SGK3: variants seen among roughly 807,000 people sequenced by gnomAD.
SGK3 encodes the protein serine/threonine-protein kinase Sgk3.
SGK3 carries 47 observed loss-of-function variants against 68.5 expected under a neutral mutation model. That is an observed-to-expected ratio of 0.69 (90% CI 0.54 to 0.87). The LOEUF (loss-of-function observed/expected upper bound fraction) is 0.87, where lower values mean the gene tolerates loss of function less well. SGK3 is among the 40% of genes least tolerant of loss of function. The pLI is 0.00. For synonymous variants in SGK3, 181 were observed against 189.1 expected, an observed-to-expected ratio of 0.96 and a Z score of 0.35; for missense variants, 479 against 575.5, an observed-to-expected ratio of 0.83 and a Z score of 1.72.
chr8:66,724,645 C>G (rs549053151), intron 1 of SGK3, among the ~76,000 whole-genome samples: 2 of 151,944 alleles, frequency 1.3e-5, no homozygotes, highest in Admixed American at 6.6e-5. Flanking sequence ...AGTCTTTGTC[C>G]CACTGAAATT....
At chr8:66,758,785 G>C (rs554643190) in intron 1 of SGK3, among the ~76,000 whole-genome samples, 1 of 152,146 alleles carries the variant, frequency 6.6e-6, no homozygotes, top group Non-Finnish European at 1.5e-5. Flanking sequence ...CAAGTAGCTG[G>C]AACTACCAGC....
At chr8:66,822,292 T>C in intron 5 of SGK3, 80 bp from the exon 6 acceptor site, 1 of 1,309,900 alleles carries the variant, frequency 7.6e-7, no homozygotes, top group Non-Finnish European at 1.1e-6. Flanking sequence ...TAGTTATTTC[T>C]ATTTTGATTT....
chr8:66,736,469 A>T (rs940648629), intron 1 of SGK3, among the ~76,000 whole-genome samples: 5 of 151,888 alleles, frequency 3.3e-5, no homozygotes, highest in Non-Finnish European at 7.4e-5. Context: ...ATATATATAT[A>T]TTTTTTGAGA....
At chr8:66,857,795 G>GTA (rs1810578888) in intron 16 of SGK3, among the ~76,000 whole-genome samples, 1 of 112,872 alleles carries the variant, frequency 8.9e-6, no homozygotes, top group East Asian at 2.4e-4. Flanking sequence ...AAAAGTGTGT[G>GTA]TGTATGTGTG....
chr8:66,715,021 G>T (rs1367564787), intron 1 of SGK3, among the ~76,000 whole-genome samples: 1 of 152,214 alleles, frequency 6.6e-6, no homozygotes, highest in African/African-American at 2.4e-5. Flanking sequence ...ATGCCTGAGA[G>T]ATTTCCAGGC....
intron 1 of SGK3, among the ~76,000 whole-genome samples, chr8:66,743,831 G>A (rs549999281): frequency 1.3e-5 from 2 of 152,278 alleles, no homozygotes; most frequent in South Asian, 4.1e-4. Flanking sequence ...TTTTGTACTT[G>A]TCTCTAATTC....
At chr8:66,858,335 G>A (rs184257840) in intron 16 of SGK3, among the ~76,000 whole-genome samples, 1,576 of 151,988 alleles carry the variant, frequency 0.01, 13 homozygotes, top group Middle Eastern at 0.027. Flanking sequence ...GCATGGTGGT[G>A]GGCGCCTGTA....
At chr8:66,725,536 G>A (rs1434828976) in intron 1 of SGK3, among the ~76,000 whole-genome samples, 2 of 151,644 alleles carry the variant, frequency 1.3e-5, no homozygotes, top group African/African-American at 4.9e-5. Context: ...TTAAAATAAT[G>A]TTTAAAATCA....
intron 1 of SGK3, among the ~76,000 whole-genome samples, chr8:66,789,588 A>T (rs1180871944): frequency 6.6e-6 from 1 of 152,206 alleles, no homozygotes; most frequent in Non-Finnish European, 1.5e-5. Context: ...TTACCTCTGG[A>T]AGTCCCACTT....
intron 1 of SGK3, among the ~76,000 whole-genome samples, chr8:66,723,484 C>T (rs927325545): frequency 2.6e-5 from 4 of 151,982 alleles, no homozygotes; most frequent in African/African-American, 9.7e-5. Flanking sequence ...TCCTCTGTCA[C>T]GTAAGCTGGA....
At chr8:66,774,118 G>A (rs1382019116) in intron 1 of SGK3, among the ~76,000 whole-genome samples, 1 of 152,128 alleles carries the variant, frequency 6.6e-6, no homozygotes, top group Non-Finnish European at 1.5e-5. Context: ...GTATGAGAGG[G>A]CATTTAGAGC....
At chr8:66,729,604 G>A (rs890709461) in intron 1 of SGK3, among the ~76,000 whole-genome samples, 1 of 152,044 alleles carries the variant, frequency 6.6e-6, no homozygotes, top group Non-Finnish European at 1.5e-5. Flanking sequence ...GTATTTATAT[G>A]AACATATATG....
chr8:66,809,512 A>G (rs2130628968), intron 4 of SGK3, among the ~76,000 whole-genome samples: 1 of 152,310 alleles, frequency 6.6e-6, no homozygotes, highest in East Asian at 1.9e-4. Context: ...GCACATCAGT[A>G]TAAAGACTTT....
rs185384556 is a variant in SGK3 at position 66,737,468 on chromosome 8, A to C, written c.-122+24635A>C. 5.6e-3 allele frequency: 846 copies of C among 152,078 alleles called. 4 individuals carry two copies. The highest frequency in any genetic ancestry group is 9.3e-3 in the Non-Finnish European group (634 of 68,018). 9.4% of individuals were successfully genotyped at this position (152,078 alleles called of 1,614,324 possible). A position where few individuals can be genotyped will look rare whatever the true frequency, so the allele number is the denominator to read the frequency against. ...GATAAGCCCATTCCCCCAACATTGA[A>C]CCTCAGGTATCTGACTTTAGCCTAT... is the stretch of plus-strand genomic sequence containing the variant. On this transcript the variant is annotated intron_variant, in intron 1 of 16. Coordinates refer to ENST00000521198, the MANE Select transcript of SGK3 (RefSeq NM_001033578.3).
At chr8:66,816,024 G>A (rs533856129) in intron 5 of SGK3, among the ~76,000 whole-genome samples, 1 of 152,080 alleles carries the variant, frequency 6.6e-6, no homozygotes, top group East Asian at 1.9e-4. Context: ...TTTTGAGACG[G>A]AGTCTCACTG....
At chr8:66,793,857 G>T in intron 2 of SGK3, 25 bp downstream of exon 2, 1 of 1,603,060 alleles carries the variant, frequency 6.2e-7, no homozygotes, top group South Asian at 1.1e-5. Flanking sequence ...TAAAGCATGT[G>T]GGAAAAAAGT....
At chr8:66,749,024 A>G (rs1167535744) in intron 1 of SGK3, among the ~76,000 whole-genome samples, 1 of 152,084 alleles carries the variant, frequency 6.6e-6, no homozygotes, top group African/African-American at 2.4e-5. Flanking sequence ...CCGCTTGAGT[A>G]GCTCTGGGAC....
intron 1 of SGK3, among the ~76,000 whole-genome samples, chr8:66,732,592 C>A (rs1420000256): frequency 6.6e-6 from 1 of 152,128 alleles, no homozygotes; most frequent in African/African-American, 2.4e-5. Flanking sequence ...TGCCTGTGTT[C>A]CCAGCACTTC....
At chr8:66,805,519 C>CAAAA (rs566639848) in intron 4 of SGK3, among the ~76,000 whole-genome samples, 2 of 67,564 alleles carry the variant, frequency 3.0e-5, no homozygotes, top group African/African-American at 1.0e-4. Context: ...GACTTCATCT[C>CAAAA]AAAAAAAAAA....
Sources: gnomAD v4.1 joint callset for allele counts (sites outside exome capture counted in the v4.1 genomes callset) on GRCh38, gnomAD v4.1.1 for gene constraint, MANE v1.5 for transcripts, NCBI Gene and HGNC (gene_info 2026-07-23, HGNC 2026-07-21) for gene names.